Variants in CCDC78 observed in about 807,000 individuals in gnomAD.
The protein encoded by CCDC78 is coiled-coil domain containing 78.
In CCDC78, 78 loss-of-function variants were observed where a neutral mutation model predicts 61.9. The observed-to-expected ratio is 1.26, with a 90% confidence interval of 1.05 to 1.52. The LOEUF is 1.52. CCDC78 is among the 40% of genes most tolerant of loss of function. The pLI is 0.00. For missense variants in CCDC78, 737 were observed against 615.5 expected (o/e 1.20, Z -2.09); for synonymous variants, 287 against 251.9 (o/e 1.14, Z -1.32).
chr16:725,584 TG>T lies in CCDC78; in HGVS notation c.268-5del. 1 of 1,606,066 alleles carries T rather than the reference TG, an allele frequency of 6.2e-7. No individual in the cohort carries two copies. On this transcript the variant is annotated splice_region_variant and splice_polypyrimidine_tract_variant and intron_variant, in intron 3 of 13. Transcript: ENST00000345165. ...CCCGGCTCTCCAGCCGAAGGATCTG[TG>T]GGACAACTGGCATGAGCAGGTGCAC...
Position 725,086 on chromosome 16 carries a change from C to A in CCDC78, c.552G>T (p.Val184=). ...GTGAGATGGCCACTCACACACGCGT[C>A]ACCAGTGCCTGCTGCCGGGCCTCCT... ...EHQEARQQAL[V]TRVATLGRQL... is the part of the protein sequence containing the mutation. The change falls in exon 6 of 14, where the codon GTG becomes GTT. Residue 184 remains valine, a synonymous_variant. Coordinates refer to ENST00000345165, the MANE Select transcript of CCDC78 (RefSeq NM_001378030.1). The A allele has an allele frequency of 6.2e-7, 1 of 1,612,704 alleles. No homozygotes were observed. Among genetic ancestry groups the A allele is most frequent in the Non-Finnish European group, 8.5e-7 (1 of 1,179,928 alleles).
rs1014754418 is a variant in CCDC78, at chr16:724,365, C to G, written c.910G>C (p.Val304Leu). The change falls in exon 9 of 14, where the codon GTG becomes CTG. Residue 304 changes from valine (V) to leucine (L), a missense_variant. Val to Leu is a conservative substitution (Grantham distance 32). Coordinates refer to ENST00000345165, the MANE Select transcript of CCDC78 (RefSeq NM_001378030.1). ...TCTTCATGCCTGCGGCTCAGATCCA[C>G]CAGCCTCTTGTGGTAGCTGCGGGCA... is the stretch of plus-strand genomic sequence containing the variant. The part of the protein sequence containing the change: ...RAARSYHKRL[V>L]DLSRRHEELL... 2.5e-6 allele frequency: 4 copies of G among 1,612,298 alleles called. No homozygotes were observed. In the Admixed American group the frequency reaches 6.7e-5, roughly 27 times the overall value.
In CCDC78 at chr16:725,135, T is replaced by C. The variant is rs781555752; in HGVS notation, c.503A>G (p.Glu168Gly). 6.2e-6 allele frequency: 10 copies of C among 1,612,532 alleles called. No individual in the cohort carries two copies. Among genetic ancestry groups the C allele is most frequent in the Non-Finnish European group, 8.5e-6 (10 of 1,179,970 alleles). ...QHRLGSGLQG[E>G]VKWALEHQEA... ...CTGATGCTCCAGCGCCCACTTCACTTCCCCCTGCAGCTGTGGGGCACACAG... is the reference window on the plus strand; with the variant it reads ...CTGATGCTCCAGCGCCCACTTCACTCCCCCCTGCAGCTGTGGGGCACACAG... Residue 168 changes from glutamate (E) to glycine (G), a missense_variant, in exon 6 of 14, where the codon GAA (glutamate) becomes GGA (glycine). Coordinates refer to ENST00000345165, the MANE Select transcript of CCDC78 (RefSeq NM_001378030.1).
At chr16:723,364 G>A (rs1209573531) in intron 11 of CCDC78, 2 of 715,814 alleles carry the variant, frequency 2.8e-6, no homozygotes, top group African/African-American at 1.7e-5. Flanking sequence ...CCGGGCCCAG[G>A]GGGTCTGCTG....
Position 725,589 on chromosome 16 carries a change from C to T in CCDC78, c.268-9G>A. The T allele has an allele frequency of 6.2e-7, 1 of 1,605,158 alleles. No individual in the cohort carries two copies. The highest frequency in any genetic ancestry group is 8.5e-7 in the Non-Finnish European group (1 of 1,176,452). ...CTCTCCAGCCGAAGGATCTGTGGGA[C>T]AACTGGCATGAGCAGGTGCACCTGC... is the stretch of plus-strand genomic sequence containing the variant. On this transcript the variant is annotated splice_polypyrimidine_tract_variant and intron_variant, in intron 3 of 13. Transcript: ENST00000345165.
Position 722,972 on chromosome 16 carries a change from A to G in CCDC78, c.1251T>C (p.Ala417=). ...RAQLLVRATM[A]EEQLSELQEY... ...CCTGTAGCTCAGAAAGTTGCTCTTC[A>G]GCCATCGTGGCCCGGACCAGCAGCT... The change falls in exon 13 of 14, where the codon GCT becomes GCC. Residue 417 remains alanine, a synonymous_variant. Transcript: ENST00000345165. The G allele has an allele frequency of 6.2e-7, 1 of 1,612,440 alleles. No homozygotes were observed. Among genetic ancestry groups the G allele is most frequent in the Non-Finnish European group, 8.5e-7 (1 of 1,180,000 alleles).
chr16:723,783 G>A, intron 11 of CCDC78, 74 bp downstream of exon 11: 1 of 1,425,992 alleles, frequency 7.0e-7, no homozygotes, highest in Non-Finnish European at 9.7e-7. Flanking sequence ...GAGCAACTGG[G>A]GGCCCCAGGG....
chr16:725,292 A>T lies in CCDC78; in HGVS notation c.437T>A (p.Val146Glu). 6.2e-7 allele frequency: 1 copy of T among 1,607,846 alleles called. No individual in the cohort carries two copies. The highest frequency in any genetic ancestry group is 8.5e-7 in the Non-Finnish European group (1 of 1,179,918). The change falls in exon 5 of 14, where the codon GTG (valine) becomes GAG (glutamate). Residue 146 changes from valine (V) to glutamate (E), a missense_variant and splice_region_variant. Coordinates refer to ENST00000345165, the MANE Select transcript of CCDC78 (RefSeq NM_001378030.1). ...PGHSDDHRFQ[V>E]QPKNTMNPEN... ...GGGGTTCATGGTGTTCTTGGGCTGC[A>T]CCTGAATGGAAGGGAGGGCAGGGAA...
chr16:726,080 C>G lies in CCDC78; in HGVS notation c.66G>C (p.Val22=). The part of the protein sequence containing the change: ...GPPSRRVENV[V]LRAKDWLPGA... The stretch of plus-strand genomic sequence containing the variant: ...CTGGCAGCCAGTCCTTGGCTCGTAG[C>G]ACAACCTGGGGAGGTACCGCCACCC... The change falls in exon 2 of 14, where the codon GTG becomes GTC. Residue 22 remains valine (V), a synonymous_variant. Coordinates refer to ENST00000345165, the MANE Select transcript of CCDC78 (RefSeq NM_001378030.1). 6.5e-7 allele frequency: 1 copy of G among 1,548,908 alleles called. No individual in the cohort carries two copies.
chr16:723,516 G>T, intron 11 of CCDC78: 1 of 673,050 alleles, frequency 1.5e-6, no homozygotes, highest in South Asian at 1.5e-5. Context: ...CTGGGAACAT[G>T]GAGGCCCAGA....
chr16:723,055 A>T, intron 12 of CCDC78, 33 bp from the exon 13 acceptor site: 3 of 1,612,660 alleles, frequency 1.9e-6, no homozygotes, highest in Non-Finnish European at 2.5e-6. Context: ...GAGCTGGGGC[A>T]TGGCGTGAGG....
In CCDC78 at chr16:725,843, T is replaced by C; in HGVS notation, c.218A>G (p.His73Arg). 1.2e-6 allele frequency: 2 copies of C among 1,611,448 alleles called. No homozygotes were observed. The highest frequency in any genetic ancestry group is 1.7e-6 in the Non-Finnish European group (2 of 1,179,040). ...KELVDIQITT[H>R]HLHEQHEAEI... ...AGCCTCATGCTGCTCATGTAGGTGG[T>C]GGGTTGTGATCTGAATGTCGACCAG... The change falls in exon 3 of 14, where the codon CAC becomes CGC. Residue 73 changes from histidine (H) to arginine (R), a missense_variant. Physicochemically the swap from His to Arg is conservative, Grantham distance 29. Coordinates refer to ENST00000345165, the MANE Select transcript of CCDC78 (RefSeq NM_001378030.1).
At position 724,777 on chromosome 16, in the gene CCDC78, A is replaced by G. The variant is rs766296563; in HGVS notation, c.669T>C (p.Arg223=). ...VVLCSCQGQL[R]QAEAENARLQ... ...GCCGGGCATTTTCAGCCTCTGCCTGACGGAGCTGGCCTTGGCAGCTGCACA... is the reference window on the plus strand; with the variant it reads ...GCCGGGCATTTTCAGCCTCTGCCTGGCGGAGCTGGCCTTGGCAGCTGCACA... The change falls in exon 8 of 14, where the codon CGT becomes CGC. Residue 223 remains arginine (R), a synonymous_variant. Coordinates refer to ENST00000345165, the MANE Select transcript of CCDC78 (RefSeq NM_001378030.1). 3.6e-5 allele frequency: 58 copies of G among 1,612,016 alleles called. No individual in the cohort carries two copies. The highest frequency in any genetic ancestry group is 8.5e-7 in the Non-Finnish European group (1 of 1,179,796).
chr16:724,575 C>T, intron 8 of CCDC78, 66 bp from the exon 9 acceptor site: 3 of 1,558,592 alleles, frequency 1.9e-6, no homozygotes, highest in Non-Finnish European at 2.6e-6. Flanking sequence ...CCCCCCACCC[C>T]AGCAGGCTGA....
chr16:723,499 T>C (rs914388372), intron 11 of CCDC78: 13 of 672,402 alleles, frequency 1.9e-5, no homozygotes, highest in Admixed American at 1.6e-4. Context: ...CCCTGCCCAT[T>C]GTACAGCTGG....
chr16:724,779 G>T lies in CCDC78; in HGVS notation c.667C>A (p.Arg223Ser). ...VVLCSCQGQLRQAEAENARLQ... is the reference protein window; with the variant it reads ...VVLCSCQGQLSQAEAENARLQ... Reference sequence around the variant, plus strand: ...CGGGCATTTTCAGCCTCTGCCTGACGGAGCTGGCCTTGGCAGCTGCACAGC... The same window carrying T: ...CGGGCATTTTCAGCCTCTGCCTGACTGAGCTGGCCTTGGCAGCTGCACAGC... The change falls in exon 8 of 14, where the codon CGT (arginine) becomes AGT (serine). Residue 223 changes from arginine (R) to serine (S), a missense_variant. Physicochemically the swap from Arg to Ser is moderately radical, Grantham distance 110. Coordinates refer to ENST00000345165, the MANE Select transcript of CCDC78 (RefSeq NM_001378030.1). 1 of 1,612,076 alleles carries T rather than the reference G, an allele frequency of 6.2e-7. No individual in the cohort carries two copies. The highest frequency in any genetic ancestry group is 8.5e-7 in the Non-Finnish European group (1 of 1,179,772).
intron 1 of CCDC78, 59 bp from the exon 2 acceptor site, chr16:726,144 TC>T: frequency 3.2e-6 from 5 of 1,549,930 alleles, no homozygotes; most frequent in Non-Finnish European, 4.4e-6. Flanking sequence ...GTGGCCCCAC[TC>T]CCATGCAGTC....
chr16:725,347 C>A (rs953818225), intron 4 of CCDC78, 54 bp from the exon 5 acceptor site: 2 of 1,611,266 alleles, frequency 1.2e-6, no homozygotes, highest in Non-Finnish European at 1.7e-6. Context: ...CCCAGTTTCA[C>A]TGAGGCCCCT....
rs1596638242 is a variant in CCDC78, at chr16:725,875, G to A, written c.186C>T (p.Ser62=). The change falls in exon 3 of 14, where the codon TCC becomes TCT. Residue 62 remains serine, a synonymous_variant. Coordinates refer to ENST00000345165, the MANE Select transcript of CCDC78 (RefSeq NM_001378030.1). The part of the protein sequence containing the change: ...ALNKEQQLQI[S]KELVDIQITT... Reference sequence around the variant, plus strand: ...TGATCTGAATGTCGACCAGCTCCTTGGAGATCTGTGGGTGGCCAGGTGAGA... The same window carrying A: ...TGATCTGAATGTCGACCAGCTCCTTAGAGATCTGTGGGTGGCCAGGTGAGA... 3 of 1,609,730 alleles carry A rather than the reference G, an allele frequency of 1.9e-6. No individual in the cohort carries two copies. Among genetic ancestry groups the A allele is most frequent in the Non-Finnish European group, 2.5e-6 (3 of 1,178,042 alleles).
Sources: gnomAD v4.1 joint callset for allele counts on GRCh38, gnomAD v4.1.1 for gene constraint, MANE v1.5 for transcripts, NCBI Gene and HGNC (gene_info 2026-07-23, HGNC 2026-07-21) for gene names.